EHMT1: variants seen among roughly 807,000 people sequenced by gnomAD.
The protein encoded by EHMT1 is histone-lysine N-methyltransferase EHMT1.
EHMT1 carries 15 observed loss-of-function variants against 147.2 expected under a neutral mutation model. That is an observed-to-expected ratio of 0.10 (90% CI 0.07 to 0.16). The LOEUF (loss-of-function observed/expected upper bound fraction) is 0.16. Ranked by LOEUF, EHMT1 falls within the 10% of genes least tolerant of loss-of-function variation. The pLI is 1.00. For missense variants in EHMT1, 1,587 were observed against 1,772.4 expected (o/e 0.90, Z 1.88); for synonymous variants, 795 against 709.6 (o/e 1.12, Z -1.91).
chr9:137,692,801 T>C (rs1451770486), intron 1 of EHMT1, among the ~76,000 whole-genome samples: 3 of 152,108 alleles, frequency 2.0e-5, no homozygotes, highest in African/African-American at 7.2e-5. Flanking sequence ...GTGCGCAGTG[T>C]CTGTTGCTGC....
chr9:137,755,343 G>GT (rs1949302925), intron 8 of EHMT1, among the ~76,000 whole-genome samples: 1 of 152,154 alleles, frequency 6.6e-6, no homozygotes. Context: ...CTGTGTGGTT[G>GT]TTTTTCATCT....
intron 10 of EHMT1, chr9:137,763,524 C>T (rs1356588726): frequency 6.4e-6 from 1 of 156,230 alleles, no homozygotes; most frequent in Non-Finnish European, 1.4e-5. Flanking sequence ...TGGCCGAAGT[C>T]AGCACGTGGC....
intron 25 of EHMT1, among the ~76,000 whole-genome samples, chr9:137,821,318 C>CCT (rs1554901044): frequency 3.1e-5 from 2 of 63,980 alleles, no homozygotes; most frequent in Admixed American, 5.4e-4. Context: ...TGCGCCCGGC[C>CCT]TTTTTTTTTT....
intron 1 of EHMT1, among the ~76,000 whole-genome samples, chr9:137,626,949 A>ATTTTGT (rs957027723): frequency 3.3e-5 from 5 of 151,096 alleles, no homozygotes; most frequent in East Asian, 3.9e-4. Flanking sequence ...CACCTGGTTA[A>ATTTTGT]TTTTGTTTTT....
intron 25 of EHMT1, among the ~76,000 whole-genome samples, chr9:137,833,149 C>T (rs750586415): frequency 2.0e-5 from 3 of 152,322 alleles, no homozygotes; most frequent in South Asian, 2.1e-4. Context: ...AACCTCTTGA[C>T]CTCTGAGCGT....
chr9:137,803,354 T>G, intron 18 of EHMT1: 2 of 953,352 alleles, frequency 2.1e-6, no homozygotes, highest in Non-Finnish European at 1.2e-6. Flanking sequence ...GATCTTCAGG[T>G]GATCCTCCGC....
intron 1 of EHMT1, chr9:137,697,146 T>A: frequency 2.6e-6 from 1 of 380,952 alleles, no homozygotes; most frequent in South Asian, 1.8e-5. Context: ...CTGGGCATGT[T>A]GGCATGCACT....
intron 1 of EHMT1, among the ~76,000 whole-genome samples, chr9:137,662,206 A>AT (rs1339361756): frequency 8.6e-5 from 13 of 151,910 alleles, no homozygotes; most frequent in African/African-American, 2.7e-4. Context: ...TTGTTTAGAT[A>AT]TTTTTTTTCC....
intron 3 of EHMT1, among the ~76,000 whole-genome samples, chr9:137,723,099 A>T (rs561182482): frequency 2.7e-5 from 3 of 110,536 alleles, no homozygotes; most frequent in Admixed American, 9.4e-5. Flanking sequence ...TCTGGGCCTG[A>T]GCCCGGGGTG....
At chr9:137,716,586 C>G (rs376104077) in intron 2 of EHMT1, 40 bp from the exon 3 acceptor site, 3 of 1,524,460 alleles carry the variant, frequency 2.0e-6, no homozygotes, top group Non-Finnish European at 2.6e-6. Flanking sequence ...CCATGGAGAG[C>G]GTGGCCTGCA....
chr9:137,718,146 T>C (rs1945544861), intron 3 of EHMT1, among the ~76,000 whole-genome samples: 1 of 141,854 alleles, frequency 7.0e-6, no homozygotes, highest in African/African-American at 2.7e-5. Context: ...CGCCTGCCCC[T>C]CACACGCACC....
intron 25 of EHMT1, among the ~76,000 whole-genome samples, chr9:137,822,812 G>T (rs1166607843): frequency 6.6e-6 from 1 of 151,134 alleles, no homozygotes; most frequent in East Asian, 2.0e-4. Context: ...AGACTTGCTT[G>T]AACTTGGGAG....
chr9:137,802,052 TAG>T (rs1232789909), intron 18 of EHMT1, among the ~76,000 whole-genome samples: 1 of 152,182 alleles, frequency 6.6e-6, no homozygotes, highest in African/African-American at 2.4e-5. Flanking sequence ...GCTCAGAAAA[TAG>T]AGTTTGGAGC....
intron 1 of EHMT1, among the ~76,000 whole-genome samples, chr9:137,689,264 G>A (rs930672210): frequency 6.6e-6 from 1 of 152,190 alleles, no homozygotes; most frequent in African/African-American, 2.4e-5. Context: ...GAAATACATT[G>A]TATGTGAGTT....
At position 137,813,535 on chromosome 9, in the gene EHMT1, G is replaced by C. The variant is rs377628279; in HGVS notation, c.3180+5G>C. 6.2e-7 allele frequency: 1 copy of C among 1,613,738 alleles called. No homozygotes were observed. The highest frequency in any genetic ancestry group is 1.3e-5 in the African/African-American group (1 of 75,052). On this transcript the variant is annotated splice_donor_5th_base_variant and intron_variant, in intron 21 of 26. Coordinates refer to ENST00000460843, the MANE Select transcript of EHMT1 (RefSeq NM_024757.5). The surrounding 1 kb of genome is among the most constrained non-coding windows in gnomAD (Gnocchi z 4.9). Reference sequence around the variant, plus strand: ...AGAAATATCACTCATCTGCAGGTGAGTGACGGCAGATGAAGGGCTGACTCA... The same window carrying C: ...AGAAATATCACTCATCTGCAGGTGACTGACGGCAGATGAAGGGCTGACTCA...
chr9:137,799,800 C>T (rs1953297288), intron 17 of EHMT1, among the ~76,000 whole-genome samples: 1 of 152,244 alleles, frequency 6.6e-6, no homozygotes, highest in Non-Finnish European at 1.5e-5. Flanking sequence ...CTGTGATATG[C>T]TCAAAGGCCC....
chr9:137,714,633 G>A (rs1315640067), intron 2 of EHMT1, among the ~76,000 whole-genome samples: 1 of 146,158 alleles, frequency 6.8e-6, no homozygotes. Context: ...GCTCACTGAA[G>A]CCTTGACCTC....
At chr9:137,687,807 G>A (rs1942589372) in intron 1 of EHMT1, among the ~76,000 whole-genome samples, 1 of 152,226 alleles carries the variant, frequency 6.6e-6, no homozygotes, top group African/African-American at 2.4e-5. Flanking sequence ...TGTTGGGTCT[G>A]TGCCACCCAC....
chr9:137,785,050 C>G (rs532656200), intron 15 of EHMT1: 32 of 154,408 alleles, frequency 2.1e-4, no homozygotes, highest in African/African-American at 7.5e-4. Context: ...CTGGGCTGTT[C>G]AGGGCAGGAG....
Sources: allele counts gnomAD v4.1 joint callset (sites outside exome capture counted in the v4.1 genomes callset), GRCh38; gene constraint gnomAD v4.1.1; non-coding constraint Gnocchi (gnomAD v3.1); transcripts MANE v1.5; gene names NCBI Gene and HGNC (gene_info 2026-07-23, HGNC 2026-07-21).